TUBGCP4: variants seen among roughly 807,000 people sequenced by gnomAD.
TUBGCP4 encodes tubulin gamma complex component 4, also known as gamma-tubulin complex component 4.
A neutral mutation model predicts 91.6 loss-of-function variants in TUBGCP4; 54 were observed. The observed-to-expected ratio is 0.59, with a 90% confidence interval of 0.47 to 0.74. The LOEUF is 0.74. Among genes scored for constraint, TUBGCP4 ranks in the 30% least tolerant of loss-of-function variants. The pLI, the probability that TUBGCP4 is intolerant of heterozygous loss-of-function variation, is 0.00. For missense variants in TUBGCP4, 593 were observed against 800.9 expected (o/e 0.74, Z 3.13); for synonymous variants, 297 against 302.8 (o/e 0.98, Z 0.20).
In TUBGCP4 at chr15:43,406,781, T is replaced by G. The variant is rs141888590; in HGVS notation, c.*1567T>G. ...CTCACTTGTGCTTCCCATGTTTATC[T>G]TACGGAAGGTCATTCCATCAAGCTT... On this transcript the variant is annotated 3_prime_UTR_variant, in exon 18 of 18. Transcript: ENST00000564079. The G allele has an allele frequency of 7.6e-4, 271 of 358,202 alleles. No homozygotes were observed. The highest frequency in any genetic ancestry group is 5.5e-3 in the African/African-American group (259 of 46,972). The allele number at this position is 358,202 out of a possible 1,614,324, so 22.2% of individuals were successfully genotyped here.
Position 43,400,264 on chromosome 15 carries a change from C to T in TUBGCP4, c.1596+43C>T, listed in dbSNP as rs780666094. On this transcript the variant is annotated intron_variant, in intron 14 of 17. Coordinates refer to ENST00000564079, the MANE Select transcript of TUBGCP4 (RefSeq NM_014444.5). ...AGTAGAAGGAAGGGGTACGGAAAAACGTCTAGGAGGTTGGCAGGGAGTATT... is the reference window on the plus strand; with the variant it reads ...AGTAGAAGGAAGGGGTACGGAAAAATGTCTAGGAGGTTGGCAGGGAGTATT... The T allele has an allele frequency of 3.0e-5, 47 of 1,568,964 alleles. No individual in the cohort carries two copies. In the East Asian group the frequency reaches 6.8e-4, roughly 23 times the overall value.
intron 1 of TUBGCP4, among the ~76,000 whole-genome samples, chr15:43,375,638 A>G (rs761882923): frequency 3.3e-5 from 5 of 152,190 alleles, no homozygotes; most frequent in African/African-American, 4.8e-5. Context: ...TTTTTACTGG[A>G]ATGAAAACAA....
At chr15:43,391,398 A>C (rs1035498244) in intron 9 of TUBGCP4, 1 of 152,202 alleles carries the variant, frequency 6.6e-6, no homozygotes, top group African/African-American at 2.4e-5. Context: ...ACGGAGTCTC[A>C]GTATGTTGCC....
chr15:43,403,977 G>A, intron 16 of TUBGCP4, 178 bp downstream of exon 16: 1 of 599,646 alleles, frequency 1.7e-6, no homozygotes. Context: ...GTAATACTGT[G>A]CCACCTCACA....
At chr15:43,400,749 C>T (rs956231816) in intron 14 of TUBGCP4, among the ~76,000 whole-genome samples, 2 of 151,986 alleles carry the variant, frequency 1.3e-5, no homozygotes, top group East Asian at 3.9e-4. Context: ...AACACCATCT[C>T]TACTAAAAAT....
At chr15:43,396,647 G>C (rs1318689164) in intron 11 of TUBGCP4, among the ~76,000 whole-genome samples, 1 of 152,164 alleles carries the variant, frequency 6.6e-6, no homozygotes, top group Non-Finnish European at 1.5e-5. Context: ...GAAAAGCTCA[G>C]ACGTATGATG....
At chr15:43,392,497 GTTTT>G (rs2044492981) in intron 9 of TUBGCP4, among the ~76,000 whole-genome samples, 1 of 151,736 alleles carries the variant, frequency 6.6e-6, no homozygotes, top group Admixed American at 6.6e-5. Flanking sequence ...TTGTTTGTTT[GTTTT>G]GTTTTGTTTT....
intron 10 of TUBGCP4, 113 bp downstream of exon 10, chr15:43,395,270 C>T (rs776162343): frequency 7.1e-5 from 85 of 1,203,310 alleles, no homozygotes; most frequent in Non-Finnish European, 9.5e-5. Context: ...AGAGTCAACT[C>T]ATTTGTTCTT....
At chr15:43,382,047 G>A (rs2044292485) in intron 6 of TUBGCP4, among the ~76,000 whole-genome samples, 1 of 151,782 alleles carries the variant, frequency 6.6e-6, no homozygotes, top group Admixed American at 6.6e-5. Flanking sequence ...GTGAGACCCC[G>A]TCTCTACAAA....
chr15:43,373,994 T>G (rs1005043455), intron 1 of TUBGCP4, among the ~76,000 whole-genome samples: 1 of 152,180 alleles, frequency 6.6e-6, no homozygotes, highest in Non-Finnish European at 1.5e-5. Flanking sequence ...ACCTCTTAAG[T>G]TACTAACTTG....
In TUBGCP4 at chr15:43,395,089, TGTTG is replaced by T; in HGVS notation, c.1015-13_1015-10del. ...ACTGTAATGAAATTTGTCCCTGTTT[TGTTG>T]GTTGTTTTCATAGCATCTCTGGAAG... On this transcript the variant is annotated splice_polypyrimidine_tract_variant and intron_variant, in intron 9 of 17. Coordinates refer to ENST00000564079, the MANE Select transcript of TUBGCP4 (RefSeq NM_014444.5). 1 of 1,614,094 alleles carries T rather than the reference TGTTG, an allele frequency of 6.2e-7. No homozygotes were observed. The highest frequency in any genetic ancestry group is 1.3e-5 in the African/African-American group (1 of 75,040).
At position 43,371,264 on chromosome 15, in the gene TUBGCP4, G is replaced by C. The variant is rs922279749; in HGVS notation, c.-91G>C. Reference sequence around the variant, plus strand: ...CCGCCCGACCCAGGGGCCGGTGCGCGTGTGGAAGGGGAAGCACTCCCCTCG... The same window carrying C: ...CCGCCCGACCCAGGGGCCGGTGCGCCTGTGGAAGGGGAAGCACTCCCCTCG... On this transcript the variant is annotated 5_prime_UTR_variant, in exon 1 of 18. Coordinates refer to ENST00000564079, the MANE Select transcript of TUBGCP4 (RefSeq NM_014444.5). 7.6e-7 allele frequency: 1 copy of C among 1,320,566 alleles called. No homozygotes were observed. Among genetic ancestry groups the C allele is most frequent in the Admixed American group, 2.0e-5 (1 of 51,076 alleles). 81.8% of individuals were successfully genotyped at this position (1,320,566 alleles called of 1,614,324 possible).
chr15:43,404,154 G>C (rs753628572), intron 16 of TUBGCP4: 4 of 534,496 alleles, frequency 7.5e-6, no homozygotes, highest in Non-Finnish European at 9.9e-6. Flanking sequence ...CCCAACCCCA[G>C]TACTTGACAA....
chr15:43,408,268 G>C lies in TUBGCP4; in HGVS notation c.*3054G>C. ...TGTCGTGGTTGGATCTCTTGGGCCTGGGAGTTCGAGACCAGCCTGGGCAAT... is the reference window on the plus strand; with the variant it reads ...TGTCGTGGTTGGATCTCTTGGGCCTCGGAGTTCGAGACCAGCCTGGGCAAT... On this transcript the variant is annotated 3_prime_UTR_variant, in exon 18 of 18. Coordinates refer to ENST00000564079, the MANE Select transcript of TUBGCP4 (RefSeq NM_014444.5). 1 of 605,626 alleles carries C rather than the reference G, an allele frequency of 1.7e-6. No individual in the cohort carries two copies. 37.5% of individuals were successfully genotyped at this position (605,626 alleles called of 1,614,324 possible). A position where few individuals can be genotyped will look rare whatever the true frequency, so the allele number is the denominator to read the frequency against.
At chr15:43,381,199 A>G (rs1295521471) in intron 6 of TUBGCP4, among the ~76,000 whole-genome samples, 1 of 152,216 alleles carries the variant, frequency 6.6e-6, no homozygotes, top group Non-Finnish European at 1.5e-5. Context: ...ACTTTTGTGT[A>G]TAGAATATAA....
intron 7 of TUBGCP4, 109 bp from the exon 8 acceptor site, chr15:43,385,682 T>A: frequency 8.6e-7 from 1 of 1,159,712 alleles, no homozygotes. Context: ...AGATTTGAAG[T>A]CCCTGCGTCT....
intron 7 of TUBGCP4, among the ~76,000 whole-genome samples, chr15:43,384,168 C>G (rs1176862471): frequency 2.0e-5 from 3 of 152,170 alleles, no homozygotes; most frequent in Non-Finnish European, 4.4e-5. Flanking sequence ...TTCATCCATT[C>G]ATCCATCCAT....
Position 43,395,682 on chromosome 15 carries a change from G to C in TUBGCP4, c.1165G>C (p.Glu389Gln), listed in dbSNP as rs1193793197. ...GAAAACACCACCCACTGCAGTAACT[G>C]AGCATGGTAATTGTCAGTGGCCCTG... ...MLKTPPTAVT[E>Q]HDVNVAFQQS... Residue 389 changes from glutamate (E) to glutamine (Q), a missense_variant, in exon 11 of 18, where the codon GAG becomes CAG. Glu to Gln is a conservative substitution (Grantham distance 29). Coordinates refer to ENST00000564079, the MANE Select transcript of TUBGCP4 (RefSeq NM_014444.5). 2 of 1,613,218 alleles carry C rather than the reference G, an allele frequency of 1.2e-6. No homozygotes were observed. Among genetic ancestry groups the C allele is most frequent in the Non-Finnish European group, 1.7e-6 (2 of 1,179,200 alleles).
intron 1 of TUBGCP4, among the ~76,000 whole-genome samples, chr15:43,374,455 A>AT (rs796310123): frequency 1.3e-5 from 2 of 151,458 alleles, no homozygotes; most frequent in African/African-American, 2.4e-5. Context: ...CAAAAAAAAA[A>AT]TTTTTAATTA....
Sources: gnomAD v4.1 joint callset for allele counts (sites outside exome capture counted in the v4.1 genomes callset) on GRCh38, gnomAD v4.1.1 for gene constraint, MANE v1.5 for transcripts, NCBI Gene and HGNC (gene_info 2026-07-23, HGNC 2026-07-21) for gene names.